VEGFA: variants seen among roughly 807,000 people sequenced by gnomAD.
VEGFA encodes vascular endothelial growth factor A, also known as vascular endothelial growth factor A, long form.
In VEGFA, 20 loss-of-function variants were observed where a neutral mutation model predicts 49.7. The ratio of observed to expected loss-of-function variants is 0.40; its 90% CI spans 0.28 to 0.58. The LOEUF (loss-of-function observed/expected upper bound fraction) is 0.58. VEGFA is among the 20% of genes least tolerant of loss of function. The pLI is 0.40. For missense variants in VEGFA, 505 were observed against 553.5 expected (o/e 0.91, Z 0.88); for synonymous variants, 219 against 223.4 (o/e 0.98, Z 0.18).
chr6:43,780,659 G>GCC, intron 5 of VEGFA, 73 bp from the exon 6 acceptor site: 1 of 1,539,512 alleles, frequency 6.5e-7, no homozygotes, highest in Non-Finnish European at 8.9e-7. Context: ...CCCCATCCCT[G>GCC]CCCACCTTAC....
At chr6:43,780,593 T>G in intron 5 of VEGFA, 139 bp from the exon 6 acceptor site, 1 of 1,284,064 alleles carries the variant, frequency 7.8e-7, no homozygotes, top group Non-Finnish European at 1.1e-6. Context: ...AGAGACCACC[T>G]GCCTCCTGAC....
chr6:43,781,172 C>G (rs879459722), intron 6 of VEGFA: 1 of 467,418 alleles, frequency 2.1e-6, no homozygotes, highest in African/African-American at 2.0e-5. Flanking sequence ...CTTCTGCACT[C>G]GTCTGGAAGC....
At chr6:43,783,614 C>T (rs1363523303) in intron 7 of VEGFA, 1 of 152,684 alleles carries the variant, frequency 6.5e-6, no homozygotes, top group Non-Finnish European at 1.5e-5. Flanking sequence ...TGAAGTTACT[C>T]TAACCTCCCA....
rs778942294 is a variant in VEGFA, at chr6:43,770,839, G to A, written c.133G>A (p.Val45Ile). ...CGCGCCCGGAGGCGGGGTGGAGGGG[G>A]TCGGGGCTCGCGGCGTCGCACTGAA... Residue 45 changes from valine to isoleucine, a missense_variant, in exon 1 of 8, where the codon GTC (valine) becomes ATC (isoleucine). Transcript: ENST00000672860. The A allele has an allele frequency of 1.3e-6, 2 of 1,529,872 alleles. No homozygotes were observed. Among genetic ancestry groups the A allele is most frequent in the South Asian group, 2.4e-5 (2 of 81,638 alleles). The allele number at this position is 1,529,872 out of a possible 1,614,324, so 94.8% of individuals were successfully genotyped here. A position where few individuals can be genotyped will look rare whatever the true frequency, so the allele number is the denominator to read the frequency against.
rs1418611973 is a variant in VEGFA, at chr6:43,784,644, A to T, written c.*82A>T. 5.0e-6 allele frequency: 8 copies of T among 1,611,650 alleles called. No individual in the cohort carries two copies. The highest frequency in any genetic ancestry group is 5.9e-6 in the Non-Finnish European group (7 of 1,177,832). ...GAAAGACTGATACAGAACGATCGATACAGAAACCACGCTGCCGCCACCACA... is the reference window on the plus strand; with the variant it reads ...GAAAGACTGATACAGAACGATCGATTCAGAAACCACGCTGCCGCCACCACA... On this transcript the variant is annotated 3_prime_UTR_variant, in exon 8 of 8. Coordinates refer to ENST00000672860, the MANE Select transcript of VEGFA (RefSeq NM_003376.6).
At position 43,780,773 on chromosome 6, in the gene VEGFA, G is replaced by A. The variant is rs774265827; in HGVS notation, c.1004G>A (p.Arg335His). 26 of 1,613,674 alleles carry A rather than the reference G, an allele frequency of 1.6e-5. No homozygotes were observed. Among genetic ancestry groups the A allele is most frequent in the African/African-American group, 2.7e-5 (2 of 74,796 alleles). Residue 335 changes from arginine (R) to histidine (H), a missense_variant, in exon 6 of 8, where the codon CGC becomes CAC. Arg to His is a conservative substitution (Grantham distance 29). Around this residue, in one of 2 missense-constraint regions of VEGFA, gnomAD observed 165 missense variants for 231.7 expected, o/e 0.71. Coordinates refer to ENST00000672860, the MANE Select transcript of VEGFA (RefSeq NM_003376.6). ...AAGGGAAAGGGGCAAAAACGAAAGC[G>A]CAAGAAATCCCGGTATAAGTCCTGG...
chr6:43,784,256 TC>T (rs1768950994), intron 7 of VEGFA: 2 of 569,266 alleles, frequency 3.5e-6, no homozygotes, highest in South Asian at 4.1e-5. Context: ...TGTAAAGTGT[TC>T]CCATGTCCTT....
rs1024536203 is a variant in VEGFA, at chr6:43,774,051, C to T, written c.607-290C>T. On this transcript the variant is annotated intron_variant, in intron 1 of 7. Coordinates refer to ENST00000672860, the MANE Select transcript of VEGFA (RefSeq NM_003376.6). ...GGAAGTGTGGGGAAGGTACAGGGGA[C>T]CTCGACAGTGAAGCATTCTGGGGTT... The T allele has an allele frequency of 5.7e-6, 3 of 530,554 alleles. No individual in the cohort carries two copies. In the East Asian group the frequency reaches 9.9e-5, roughly 18 times the overall value. The allele number at this position is 530,554 out of a possible 1,614,324, so 32.9% of individuals were successfully genotyped here. A position where few individuals can be genotyped will look rare whatever the true frequency, so the allele number is the denominator to read the frequency against.
At chr6:43,775,550 C>T (rs1765124449) in intron 2 of VEGFA, 3 of 152,184 alleles carry the variant, frequency 2.0e-5, no homozygotes, top group Admixed American at 6.5e-5. Context: ...TACCCCAGGT[C>T]TTTTTACCCT....
intron 5 of VEGFA, chr6:43,779,435 T>G (rs2128038200): frequency 2.9e-6 from 1 of 339,560 alleles, no homozygotes; most frequent in South Asian, 2.9e-5. Flanking sequence ...GGAGAAAAAG[T>G]TGAATGTTGG....
At chr6:43,783,164 T>C (rs552020192) in intron 7 of VEGFA, 2 of 152,370 alleles carry the variant, frequency 1.3e-5, no homozygotes, top group South Asian at 2.1e-4. Context: ...CCTTAGCTTA[T>C]GTTCTTTATA....
intron 4 of VEGFA, 33 bp from the exon 5 acceptor site, chr6:43,778,856 T>C (rs770425026): frequency 1.2e-6 from 2 of 1,613,594 alleles, no homozygotes; most frequent in African/African-American, 1.3e-5. Flanking sequence ...CCCTTCCCTG[T>C]TTTGCTCTTT....
At chr6:43,784,212 G>A in intron 7 of VEGFA, 1 of 468,412 alleles carries the variant, frequency 2.1e-6, no homozygotes, top group South Asian at 2.2e-5. Context: ...TGTCAAGTGG[G>A]GACTGTTCTT....
At chr6:43,782,425 T>G in intron 7 of VEGFA, 1 of 374,344 alleles carries the variant, frequency 2.7e-6, no homozygotes, top group South Asian at 2.2e-5. Context: ...GGTCCTGATG[T>G]TATTACTACC....
intron 5 of VEGFA, chr6:43,779,120 G>A: frequency 1.5e-6 from 1 of 662,482 alleles, no homozygotes; most frequent in Non-Finnish European, 2.7e-6. Context: ...ACATAGCCAG[G>A]AGCCTGGCAC....
Position 43,780,790 on chromosome 6 carries a change from A to C in VEGFA, c.1021A>C (p.Lys341Gln). The C allele has an allele frequency of 3.1e-6, 5 of 1,613,956 alleles. No individual in the cohort carries two copies. Among genetic ancestry groups the C allele is most frequent in the Non-Finnish European group, 4.2e-6 (5 of 1,179,998 alleles). Residue 341 changes from lysine (K) to glutamine (Q), a missense_variant, in exon 6 of 8, where the codon AAG becomes CAG. Coordinates refer to ENST00000672860, the MANE Select transcript of VEGFA (RefSeq NM_003376.6). ...ACGAAAGCGCAAGAAATCCCGGTATAAGTCCTGGAGCGTGTACGTTGGTGC... is the reference window on the plus strand; with the variant it reads ...ACGAAAGCGCAAGAAATCCCGGTATCAGTCCTGGAGCGTGTACGTTGGTGC...
In VEGFA at chr6:43,773,655, G is replaced by A. The variant is rs904397209; in HGVS notation, c.607-686G>A. 2 of 153,442 alleles carry A rather than the reference G, an allele frequency of 1.3e-5. No individual in the cohort carries two copies. The highest frequency in any genetic ancestry group is 2.9e-5 in the Non-Finnish European group (2 of 68,888). The allele number at this position is 153,442 out of a possible 1,614,324, so 9.5% of individuals were successfully genotyped here. On this transcript the variant is annotated intron_variant, in intron 1 of 7. Transcript: ENST00000672860. The surrounding 1 kb of genome is among the most constrained non-coding windows in gnomAD (Gnocchi z 5.6). Reference sequence around the variant, plus strand: ...AGGGAACAGGTAGGAGTGGGAGACAGGTGAGGCTTTGGAAATCTATTGAGG... The same window carrying A: ...AGGGAACAGGTAGGAGTGGGAGACAAGTGAGGCTTTGGAAATCTATTGAGG...
chr6:43,775,035 C>T (rs1023389400), intron 2 of VEGFA: 12 of 160,990 alleles, frequency 7.5e-5, no homozygotes, highest in African/African-American at 2.6e-4. Context: ...TCTCTGGGGA[C>T]ACCCTGGCTC....
At chr6:43,772,376 C>T (rs373664238) in intron 1 of VEGFA, among the ~76,000 whole-genome samples, 2 of 152,224 alleles carry the variant, frequency 1.3e-5, no homozygotes, top group South Asian at 4.1e-4. Flanking sequence ...TGTCACATTC[C>T]ACCGAAAGTC....
Sources: gnomAD v4.1 joint callset for allele counts (sites outside exome capture counted in the v4.1 genomes callset) on GRCh38, gnomAD v4.1.1 for gene constraint, gnomAD v4.1.1 regional missense constraint, Gnocchi (gnomAD v3.1) non-coding constraint, MANE v1.5 for transcripts, NCBI Gene and HGNC (gene_info 2026-07-23, HGNC 2026-07-21) for gene names.